TFCP2L1: variants seen among roughly 807,000 people sequenced by gnomAD.
The protein encoded by TFCP2L1 is transcription factor CP2 like 1, also known as transcription factor CP2-like protein 1.
TFCP2L1 carries 12 observed loss-of-function variants against 72.2 expected under a neutral mutation model. That is an observed-to-expected ratio of 0.17 (90% CI 0.11 to 0.27). The LOEUF (loss-of-function observed/expected upper bound fraction) is 0.27, where lower values mean the gene tolerates loss of function less well. TFCP2L1 is among the 10% of genes least tolerant of loss of function. TFCP2L1 has a pLI of 1.00. For missense variants in TFCP2L1, 488 were observed against 624.6 expected, an observed-to-expected ratio of 0.78 and a Z score of 2.33; for synonymous variants, 260 against 251.0, an observed-to-expected ratio of 1.04 and a Z score of -0.34.
chr2:121,249,569 AC>A lies in TFCP2L1; in HGVS notation c.291+1del. ...GCAATGAGAACAGCCTGTGAGGCTTACCTTGACATATTTTGTGTTCAGATCT... is the reference window on the plus strand; with the variant it reads ...GCAATGAGAACAGCCTGTGAGGCTTACTTGACATATTTTGTGTTCAGATCT... On this transcript the variant is annotated splice_donor_variant, in intron 3 of 14. Transcript: ENST00000263707. LOFTEE classifies it high-confidence loss of function. 6.2e-7 allele frequency: 1 copy of A among 1,614,098 alleles called. No homozygotes were observed. The highest frequency in any genetic ancestry group is 8.5e-7 in the Non-Finnish European group (1 of 1,180,008).
intron 8 of TFCP2L1, among the ~76,000 whole-genome samples, chr2:121,238,948 CCTGCCTCCACCCCTG>C (rs1686306005): frequency 6.6e-6 from 1 of 152,128 alleles, no homozygotes; most frequent in Admixed American, 6.5e-5. Flanking sequence ...CACCCACTCT[CCTGCCTCCACCCCTG>C]CTGCCAGCAC....
intron 2 of TFCP2L1, among the ~76,000 whole-genome samples, chr2:121,277,140 A>G (rs1426820550): frequency 2.0e-5 from 3 of 152,204 alleles, no homozygotes; most frequent in Admixed American, 6.5e-5. Context: ...ACAGGAATAT[A>G]ATAAACAAAT....
chr2:121,279,210 T>C (rs574927138), intron 2 of TFCP2L1, among the ~76,000 whole-genome samples: 1 of 152,256 alleles, frequency 6.6e-6, no homozygotes, highest in East Asian at 1.9e-4. Context: ...TATAAACATC[T>C]CATTTTTGCC....
intron 1 of TFCP2L1, among the ~76,000 whole-genome samples, chr2:121,284,204 C>A (rs929930432): frequency 6.6e-6 from 1 of 152,124 alleles, no homozygotes; most frequent in Non-Finnish European, 1.5e-5. Context: ...ATATCAAATG[C>A]CCTTTGGGTT....
In TFCP2L1 at chr2:121,224,165, G is replaced by A. The variant is rs565810074; in HGVS notation, c.*176C>T. ...AGGAGCCACTGGCTTTCTGTACACCGTACTTGGTGTCCACAGGCTTCTGCT... is the reference window on the plus strand; with the variant it reads ...AGGAGCCACTGGCTTTCTGTACACCATACTTGGTGTCCACAGGCTTCTGCT... On this transcript the variant is annotated 3_prime_UTR_variant, in exon 15 of 15. Coordinates refer to ENST00000263707, the MANE Select transcript of TFCP2L1 (RefSeq NM_014553.3). The A allele has an allele frequency of 1.8e-5, 12 of 648,668 alleles. No homozygotes were observed. The highest frequency in any genetic ancestry group is 5.8e-5 in the South Asian group (3 of 52,048). The allele number at this position is 648,668 out of a possible 1,614,324, so 40.2% of individuals were successfully genotyped here. A position where few individuals can be genotyped will look rare whatever the true frequency, so the allele number is the denominator to read the frequency against.
chr2:121,255,888 G>A lies in TFCP2L1; in HGVS notation c.215-6241C>T, dbSNP rs1573381435. Among the ~76,000 whole-genome samples, 4 of 151,914 alleles carry A rather than the reference G, an allele frequency of 2.6e-5. No homozygotes were observed. The South Asian group carries it at 6.2e-4, about 24-fold the overall frequency. Reference sequence around the variant, plus strand: ...CTCCCGAGTAGCTGGGACTGCAGGCGCCCGCCACCTCGCCCGGCTAATTTT... The same window carrying A: ...CTCCCGAGTAGCTGGGACTGCAGGCACCCGCCACCTCGCCCGGCTAATTTT... On this transcript the variant is annotated intron_variant, in intron 2 of 14. Transcript: ENST00000263707.
Position 121,267,516 on chromosome 2 carries a change from C to T in TFCP2L1, c.214+13604G>A, listed in dbSNP as rs56093402. On this transcript the variant is annotated intron_variant, in intron 2 of 14. Transcript: ENST00000263707. ...TTAAAAATCTTTTTTTTTTTTGGGA[C>T]GGAGTCTCGCTCTGTCACTCAGGCT... is the stretch of plus-strand genomic sequence containing the variant. Among the ~76,000 whole-genome samples the T allele has an allele frequency of 6.4e-3, 936 of 146,764 alleles. 6 individuals are homozygous for T. The highest frequency in any genetic ancestry group is 0.01 in the Non-Finnish European group (690 of 67,446).
Position 121,247,355 on chromosome 2 carries a change from T to G in TFCP2L1, c.505-385A>C, listed in dbSNP as rs192320837. 2.2e-3 allele frequency among the ~76,000 whole-genome samples: 332 copies of G among 152,190 alleles called. 1 individual carries two copies. Among genetic ancestry groups the G allele is most frequent in the Middle Eastern group, 6.8e-3 (2 of 294 alleles). Reference sequence around the variant, plus strand: ...CTAACCCCTCTCTAATGTCCTGGTGTCCAGGCTACTCAGGCCAGGCTTAAA... The same window carrying G: ...CTAACCCCTCTCTAATGTCCTGGTGGCCAGGCTACTCAGGCCAGGCTTAAA... On this transcript the variant is annotated intron_variant, in intron 5 of 14. Transcript: ENST00000263707.
At chr2:121,257,440 T>G (rs1686750419) in intron 2 of TFCP2L1, among the ~76,000 whole-genome samples, 1 of 152,136 alleles carries the variant, frequency 6.6e-6, no homozygotes, top group African/African-American at 2.4e-5. Context: ...GTGTGGAAAC[T>G]TCTTACCCCA....
rs151215169 is a variant in TFCP2L1 at position 121,229,909 on chromosome 2, A to C, written c.1341+1917T>G. Among the ~76,000 whole-genome samples the C allele has an allele frequency of 4.3e-3, 654 of 152,324 alleles. 2 individuals are homozygous for C. Among genetic ancestry groups the C allele is most frequent in the Middle Eastern group, 0.01 (3 of 294 alleles). On this transcript the variant is annotated intron_variant, in intron 13 of 14. Transcript: ENST00000263707. ...CACTGTTTCTGTACTCAGTATCACC[A>C]GGTCAGGAACACTCTTGGCAGCATC...
chr2:121,274,046 G>A (rs1010989822), intron 2 of TFCP2L1, among the ~76,000 whole-genome samples: 12 of 147,930 alleles, frequency 8.1e-5, no homozygotes, highest in African/African-American at 3.0e-4. Context: ...GTGAGCCGAG[G>A]TCACACCACT....
chr2:121,258,004 C>T (rs1010668046), intron 2 of TFCP2L1, among the ~76,000 whole-genome samples: 3 of 152,200 alleles, frequency 2.0e-5, no homozygotes, highest in South Asian at 4.1e-4. Context: ...GGTATGTCGT[C>T]GGTTTTTAAT....
chr2:121,227,575 G>C (rs1159129205), intron 13 of TFCP2L1, among the ~76,000 whole-genome samples: 1 of 152,102 alleles, frequency 6.6e-6, no homozygotes, highest in Non-Finnish European at 1.5e-5. Context: ...CAGCTACTCA[G>C]AAGGCTAAGG....
chr2:121,226,835 G>C (rs1686040144), intron 13 of TFCP2L1, among the ~76,000 whole-genome samples: 1 of 152,218 alleles, frequency 6.6e-6, no homozygotes, highest in Admixed American at 6.5e-5. Context: ...ATGGGACCCA[G>C]TAAGAATGAC....
chr2:121,240,806 T>G, intron 7 of TFCP2L1: 1 of 919,684 alleles, frequency 1.1e-6, no homozygotes, highest in South Asian at 5.0e-5. Context: ...AATGCAGTGC[T>G]TGCATCCTGC....
chr2:121,259,572 T>C (rs1686793869), intron 2 of TFCP2L1, among the ~76,000 whole-genome samples: 1 of 152,198 alleles, frequency 6.6e-6, no homozygotes, highest in African/African-American at 2.4e-5. Flanking sequence ...AATTGAAAAT[T>C]ACTTTGAATT....
At chr2:121,240,513 T>TA (rs751454374) in intron 7 of TFCP2L1, 36 of 985,304 alleles carry the variant, frequency 3.7e-5, no homozygotes, top group Non-Finnish European at 4.2e-5. Flanking sequence ...TTGTTGGTGC[T>TA]AAATCCTACA....
chr2:121,229,185 G>A (rs1395085527), intron 13 of TFCP2L1, among the ~76,000 whole-genome samples: 1 of 152,062 alleles, frequency 6.6e-6, no homozygotes, highest in Non-Finnish European at 1.5e-5. Context: ...CCAAAGTGCT[G>A]GGATTACAGA....
intron 6 of TFCP2L1, among the ~76,000 whole-genome samples, chr2:121,245,391 G>A (rs527649449): frequency 1.3e-5 from 2 of 152,310 alleles, no homozygotes; most frequent in East Asian, 3.9e-4. Flanking sequence ...AATGCACAGA[G>A]TTTTTAGTCA....
Sources: allele counts gnomAD v4.1 joint callset (sites outside exome capture counted in the v4.1 genomes callset), GRCh38; gene constraint gnomAD v4.1.1; transcripts MANE v1.5; gene names NCBI Gene and HGNC (gene_info 2026-07-23, HGNC 2026-07-21).